Variants in CEP128 observed in about 807,000 individuals in gnomAD.
CEP128 encodes centrosomal protein 128kDa.
Under a neutral mutation model 156.7 loss-of-function variants are expected in CEP128, and 132 were observed. The ratio of observed to expected loss-of-function variants is 0.84; its 90% CI spans 0.73 to 0.97. CEP128 has a LOEUF of 0.97. Ranked by LOEUF, CEP128 falls within the 50% of genes least tolerant of loss-of-function variation. The pLI is 0.00. For synonymous variants in CEP128, 469 were observed against 448.9 expected (o/e 1.04, Z -0.57); for missense variants, 1,252 against 1,281.9 (o/e 0.98, Z 0.36).
chr14:80,657,489 A>G (rs1895225505), intron 19 of CEP128, among the ~76,000 whole-genome samples: 1 of 151,960 alleles, frequency 6.6e-6, no homozygotes, highest in South Asian at 2.1e-4. Flanking sequence ...TGTCTCTACT[A>G]AAAATACAAA....
At chr14:80,902,794 AC>A (rs1346810837) in intron 6 of CEP128, among the ~76,000 whole-genome samples, 3 of 152,208 alleles carry the variant, frequency 2.0e-5, no homozygotes, top group Non-Finnish European at 2.9e-5. Flanking sequence ...ACAAAGATTA[AC>A]TTGTTCATAC....
intron 19 of CEP128, among the ~76,000 whole-genome samples, chr14:80,633,758 A>T (rs1894063478): frequency 6.6e-6 from 1 of 152,158 alleles, no homozygotes; most frequent in Non-Finnish European, 1.5e-5. Flanking sequence ...TCTGGTTCAA[A>T]CCAGGTCCTC....
intron 24 of CEP128, among the ~76,000 whole-genome samples, chr14:80,498,199 T>C (rs950694600): frequency 8.5e-5 from 13 of 152,146 alleles, no homozygotes; most frequent in Non-Finnish European, 1.2e-4. Context: ...GATCCATCCA[T>C]TCAGTTTAAG....
At chr14:80,739,782 C>T (rs760784790) in intron 19 of CEP128, among the ~76,000 whole-genome samples, 1 of 151,752 alleles carries the variant, frequency 6.6e-6, no homozygotes, top group East Asian at 1.9e-4. Context: ...GATACCGTCA[C>T]GAAATGAATA....
chr14:80,483,011 G>A lies in CEP128; in HGVS notation c.*311-4604C>T, dbSNP rs534218976. On this transcript the variant is annotated intron_variant and NMD_transcript_variant, in intron 14 of 14. Transcript: ENST00000554502. Reference sequence around the variant, plus strand: ...TACATTAGCCAAATATTGGCAGGTCGAGAAAGCTCAGCAAAGACTGACCTG... The same window carrying A: ...TACATTAGCCAAATATTGGCAGGTCAAGAAAGCTCAGCAAAGACTGACCTG... Among the ~76,000 whole-genome samples, 34 of 152,254 alleles carry A rather than the reference G, an allele frequency of 2.2e-4. No homozygotes were observed. In the East Asian group the frequency reaches 6.4e-3, roughly 29 times the overall value.
rs1245984140 is a variant in CEP128 at position 80,743,145 on chromosome 14, C to A, written c.2736G>T (p.Glu912Asp). 6.2e-7 allele frequency: 1 copy of A among 1,613,832 alleles called. No individual in the cohort carries two copies. Among genetic ancestry groups the A allele is most frequent in the African/African-American group, 1.3e-5 (1 of 75,032 alleles). ...CTATCTGTTGAAAGAGACACTGCAACTCAGATTCCTTGTTTTCAGTCAAAT... is the reference window on the plus strand; with the variant it reads ...CTATCTGTTGAAAGAGACACTGCAAATCAGATTCCTTGTTTTCAGTCAAAT... ...LRNLTENKES[E>D]LQCLFQQIER... is the part of the protein sequence containing the mutation. The change falls in exon 19 of 25, where the codon GAG becomes GAT. Residue 912 changes from glutamate (E) to aspartate (D), a missense_variant. By Grantham distance (45) the Glu-to-Asp change is conservative (BLOSUM62 2). Transcript: ENST00000555265.
rs536632897 is a variant in CEP128 at position 80,533,869 on chromosome 14, T to C, written c.2881-2983A>G. Among the ~76,000 whole-genome samples the C allele has an allele frequency of 3.0e-4, 46 of 152,310 alleles. No individual in the cohort carries two copies. The South Asian group carries it at 3.3e-3, about 11-fold the overall frequency. ...CAACAAATATGTATCTCGGATATCA[T>C]AGAAAGATCCACAAACATAGATGGC... On this transcript the variant is annotated intron_variant, in intron 21 of 24. Coordinates refer to ENST00000555265, the MANE Select transcript of CEP128 (RefSeq NM_152446.5).
intron 15 of CEP128, among the ~76,000 whole-genome samples, chr14:80,779,540 C>A (rs1357828157): frequency 6.6e-6 from 1 of 152,038 alleles, no homozygotes; most frequent in African/African-American, 2.4e-5. Flanking sequence ...CAAAGAATTC[C>A]CCCTAAAGTC....
At chr14:80,876,559 T>C (rs1888293602) in intron 8 of CEP128, among the ~76,000 whole-genome samples, 1 of 149,492 alleles carries the variant, frequency 6.7e-6, no homozygotes, top group Non-Finnish European at 1.5e-5. Flanking sequence ...ATCGTGCCAC[T>C]GCACTCCAGC....
At chr14:80,820,018 T>A (rs974996365) in intron 13 of CEP128, among the ~76,000 whole-genome samples, 1 of 152,318 alleles carries the variant, frequency 6.6e-6, no homozygotes, top group Non-Finnish European at 1.5e-5. Context: ...GTAATAATTT[T>A]AAAAATGTGT....
At chr14:80,586,869 A>AT (rs1891842053) in intron 19 of CEP128, among the ~76,000 whole-genome samples, 1 of 152,158 alleles carries the variant, frequency 6.6e-6, no homozygotes, top group South Asian at 2.1e-4. Flanking sequence ...ACCAGCAAAC[A>AT]TTTTTCCTAT....
rs370716617 is a variant in CEP128 at position 80,749,445 on chromosome 14, C to G, written c.2614-6178G>C. On this transcript the variant is annotated intron_variant, in intron 18 of 24. Coordinates refer to ENST00000555265, the MANE Select transcript of CEP128 (RefSeq NM_152446.5). Reference sequence around the variant, plus strand: ...ATATACACAGTGGAGTACTATTCAGCCACACAAAAGGTGAATCCTGTCATC... The same window carrying G: ...ATATACACAGTGGAGTACTATTCAGGCACACAAAAGGTGAATCCTGTCATC... 6.6e-5 allele frequency among the ~76,000 whole-genome samples: 10 copies of G among 152,230 alleles called. No homozygotes were observed. In the East Asian group the frequency reaches 1.2e-3, roughly 18 times the overall value.
At chr14:80,716,656 C>T (rs2087041463) in intron 19 of CEP128, among the ~76,000 whole-genome samples, 3 of 152,188 alleles carry the variant, frequency 2.0e-5, no homozygotes, top group Admixed American at 2.0e-4. Context: ...AGCTGATGGA[C>T]ATTCGGGTTG....
intron 9 of CEP128, among the ~76,000 whole-genome samples, chr14:80,859,073 T>C (rs1370284511): frequency 7.9e-5 from 12 of 151,090 alleles, no homozygotes; most frequent in Non-Finnish European, 1.8e-4. Context: ...CTATAAATCA[T>C]GCTGCTATAA....
Position 80,792,978 on chromosome 14 carries a change from T to C in CEP128, c.1342A>G (p.Thr448Ala). 6.2e-7 allele frequency: 1 copy of C among 1,614,124 alleles called. No homozygotes were observed. Among genetic ancestry groups the C allele is most frequent in the Non-Finnish European group, 8.5e-7 (1 of 1,180,020 alleles). ...KHADLQISEL[T>A]RHAEDATKQA... ...TTGGTTGCATCCTCCGCATGGCGAG[T>C]CAGCTCTGAGATCTGAAGGTCAGCA... Residue 448 changes from threonine to alanine, a missense_variant, in exon 14 of 25, where the codon ACT (threonine) becomes GCT (alanine). Thr to Ala is a moderately conservative substitution (Grantham distance 58, BLOSUM62 0). Transcript: ENST00000555265.
intron 8 of CEP128, among the ~76,000 whole-genome samples, chr14:80,880,218 TA>T (rs1368222943): frequency 2.0e-5 from 3 of 151,122 alleles, no homozygotes; most frequent in East Asian, 3.9e-4. Flanking sequence ...GGACAAAAGA[TA>T]AAAACCACAT....
chr14:80,935,240 C>G (rs1885714533), intron 2 of CEP128, among the ~76,000 whole-genome samples: 1 of 152,058 alleles, frequency 6.6e-6, no homozygotes, highest in Admixed American at 6.6e-5. Flanking sequence ...TCCCTAAAAG[C>G]AAAATAAGCT....
At chr14:80,575,879 A>T (rs1036530597) in intron 20 of CEP128, among the ~76,000 whole-genome samples, 3 of 152,218 alleles carry the variant, frequency 2.0e-5, no homozygotes, top group Non-Finnish European at 2.9e-5. Flanking sequence ...ACTCATTTCA[A>T]ATAAAATGAA....
chr14:80,862,807 C>T lies in CEP128; in HGVS notation c.712G>A (p.Val238Met), dbSNP rs200367616. 1 of 1,614,086 alleles carries T rather than the reference C, an allele frequency of 6.2e-7. No individual in the cohort carries two copies. Among genetic ancestry groups the T allele is most frequent in the Non-Finnish European group, 8.5e-7 (1 of 1,179,938 alleles). ...CCCAGTTGATCCTGGCGTCTTTCCACCAGCTCCCTTTCTGTGCGCATCTCT... is the reference window on the plus strand; with the variant it reads ...CCCAGTTGATCCTGGCGTCTTTCCATCAGCTCCCTTTCTGTGCGCATCTCT... The part of the protein sequence containing the change: ...EREMRTEREL[V>M]ERRQDQLGLM... The change falls in exon 9 of 25, where the codon GTG becomes ATG. Residue 238 changes from valine to methionine, a missense_variant. Physicochemically the swap from Val to Met is conservative, Grantham distance 21. Transcript: ENST00000555265.
Sources: allele counts gnomAD v4.1 joint callset (sites outside exome capture counted in the v4.1 genomes callset), GRCh38; gene constraint gnomAD v4.1.1; transcripts MANE v1.5; gene names NCBI Gene and HGNC (gene_info 2026-07-23, HGNC 2026-07-21).